The following CNTN5 variants were observed in gnomAD, a reference collection of about 807,000 sequenced individuals.
CNTN5 encodes the protein contactin 5, also known as contactin-5.
CNTN5 carries 77 observed loss-of-function variants against 129.1 expected under a neutral mutation model. That is an observed-to-expected ratio of 0.60 (90% CI 0.50 to 0.72). The LOEUF (loss-of-function observed/expected upper bound fraction) is 0.72. Ranked by LOEUF, CNTN5 falls within the 30% of genes least tolerant of loss-of-function variation. The pLI is 0.00. For missense variants in CNTN5, 1,478 were observed against 1,328.8 expected, an observed-to-expected ratio of 1.11 and a Z score of -1.75; for synonymous variants, 509 against 465.6, an observed-to-expected ratio of 1.09 and a Z score of -1.20.
At chr11:99,626,114 G>A (rs1459321139) in intron 3 of CNTN5, among the ~76,000 whole-genome samples, 2 of 151,922 alleles carry the variant, frequency 1.3e-5, no homozygotes, top group Non-Finnish European at 2.9e-5. Flanking sequence ...AGAATGGAGA[G>A]AAGCGCTGTA....
chr11:99,206,543 T>C (rs2135651402), intron 1 of CNTN5, among the ~76,000 whole-genome samples: 1 of 151,378 alleles, frequency 6.6e-6, no homozygotes, highest in South Asian at 2.1e-4. Context: ...TCCACCATGA[T>C]TTTTCTCCTA....
chr11:99,884,075 G>A (rs530116721), intron 6 of CNTN5, among the ~76,000 whole-genome samples: 1 of 152,248 alleles, frequency 6.6e-6, no homozygotes, highest in African/African-American at 2.4e-5. Context: ...CCAAACAGAA[G>A]CACCCCTGAA....
At position 100,176,268 on chromosome 11, in the gene CNTN5, C is replaced by T. The variant is rs574771608; in HGVS notation, c.1581-14858C>T. Among the ~76,000 whole-genome samples the T allele has an allele frequency of 1.5e-3, 223 of 144,962 alleles. 2 individuals carry two copies. The highest frequency in any genetic ancestry group is 6.2e-3 in the African/African-American group (215 of 34,674). The stretch of plus-strand genomic sequence containing the variant: ...CTCCTGACCTCAAGTGACCCACCCA[C>T]CTCTGCCTCCCAAAGTGCTGGGATT... On this transcript the variant is annotated intron_variant, in intron 13 of 24. Transcript: ENST00000524871.
intron 18 of CNTN5, among the ~76,000 whole-genome samples, chr11:100,289,728 C>A (rs1408994750): frequency 1.3e-5 from 2 of 150,502 alleles, no homozygotes; most frequent in African/African-American, 4.9e-5. Context: ...CTCACCACTC[C>A]TATTCAACAT....
At chr11:99,901,155 T>G (rs547678955) in intron 6 of CNTN5, among the ~76,000 whole-genome samples, 16 of 152,340 alleles carry the variant, frequency 1.1e-4, no homozygotes, top group Non-Finnish European at 2.2e-4. Flanking sequence ...TGGCAGGTAG[T>G]GAGTATTCAG....
At chr11:99,241,908 T>G (rs982975045) in intron 1 of CNTN5, among the ~76,000 whole-genome samples, 1 of 152,096 alleles carries the variant, frequency 6.6e-6, no homozygotes, top group African/African-American at 2.4e-5. Flanking sequence ...TCTTTGATGA[T>G]GGAGGAATAC....
intron 3 of CNTN5, among the ~76,000 whole-genome samples, chr11:99,703,905 G>T (rs1954638869): frequency 6.6e-6 from 1 of 150,984 alleles, no homozygotes; most frequent in Admixed American, 6.6e-5. Context: ...TGATATATAA[G>T]AAATGATTAA....
chr11:99,515,714 A>C (rs1015316219), intron 2 of CNTN5, among the ~76,000 whole-genome samples: 1 of 151,984 alleles, frequency 6.6e-6, no homozygotes, highest in African/African-American at 2.4e-5. Flanking sequence ...ATTAAACCAT[A>C]AATGCATGTG....
chr11:100,035,483 C>G (rs1205722267), intron 9 of CNTN5, among the ~76,000 whole-genome samples: 19 of 146,764 alleles, frequency 1.3e-4, no homozygotes, highest in Non-Finnish European at 2.2e-4. Context: ...TGGGTATATA[C>G]CCAGTAATGG....
intron 15 of CNTN5, among the ~76,000 whole-genome samples, chr11:100,215,410 C>T (rs1006748851): frequency 2.0e-5 from 3 of 152,166 alleles, no homozygotes; most frequent in Non-Finnish European, 4.4e-5. Context: ...CATTCTTAAT[C>T]TACCACAGTG....
chr11:99,844,268 A>C (rs961778256), intron 4 of CNTN5, among the ~76,000 whole-genome samples: 5 of 152,078 alleles, frequency 3.3e-5, no homozygotes, highest in African/African-American at 1.2e-4. Context: ...ATTTTAATTA[A>C]GTTGTCTTTT....
intron 13 of CNTN5, among the ~76,000 whole-genome samples, chr11:100,148,969 G>T (rs1946952646): frequency 6.6e-6 from 1 of 152,062 alleles, no homozygotes; most frequent in South Asian, 2.1e-4. Context: ...GAACATATTA[G>T]TCGAACAAAA....
chr11:99,729,581 T>C (rs1265664889), intron 3 of CNTN5, among the ~76,000 whole-genome samples: 1 of 152,120 alleles, frequency 6.6e-6, no homozygotes, highest in African/African-American at 2.4e-5. Flanking sequence ...TCTAGATCTT[T>C]AAGGAATCAT....
At position 99,556,424 on chromosome 11, in the gene CNTN5, G is replaced by T. The variant is rs186395888; in HGVS notation, c.55+155G>T. ...AGAGAAAGGCAGCAACCCTTAAGCC[G>T]CTGTTAACATTGCAAAATGCCATAT... On this transcript the variant is annotated intron_variant, in intron 3 of 24. Coordinates refer to ENST00000524871, the MANE Select transcript of CNTN5 (RefSeq NM_014361.4). Among the ~76,000 whole-genome samples, 965 of 150,390 alleles carry T rather than the reference G, an allele frequency of 6.4e-3. 3 individuals are homozygous for T. The highest frequency in any genetic ancestry group is 0.011 in the Non-Finnish European group (750 of 67,238).
chr11:99,062,549 G>T (rs1369035970), intron 1 of CNTN5, among the ~76,000 whole-genome samples: 1 of 152,060 alleles, frequency 6.6e-6, no homozygotes, highest in African/African-American at 2.4e-5. Flanking sequence ...AGTATTGTGA[G>T]AAACATTTAT....
intron 2 of CNTN5, among the ~76,000 whole-genome samples, chr11:99,384,474 C>T (rs533206111): frequency 1.2e-4 from 19 of 152,160 alleles, no homozygotes; most frequent in African/African-American, 4.6e-4. Flanking sequence ...TGAATTTCAC[C>T]CCCAACCGAG....
rs1218404265 is a variant in CNTN5, at chr11:100,288,672, G to A, written c.2315-8953G>A. 1.3e-4 allele frequency among the ~76,000 whole-genome samples: 19 copies of A among 151,368 alleles called. No individual in the cohort carries two copies. The East Asian group carries it at 3.7e-3, about 29-fold the overall frequency. On this transcript the variant is annotated intron_variant, in intron 18 of 24. Coordinates refer to ENST00000524871, the MANE Select transcript of CNTN5 (RefSeq NM_014361.4). ...GAGAAAGCAGGAAAGATCCAAAATT[G>A]ACACCCTAACATCACAATTAAAAGA...
At chr11:99,030,923 G>A (rs959138865) in intron 1 of CNTN5, among the ~76,000 whole-genome samples, 2 of 151,864 alleles carry the variant, frequency 1.3e-5, no homozygotes, top group African/African-American at 4.8e-5. Context: ...TGCGACTGGA[G>A]GCGCTCGCCA....
At chr11:99,679,791 A>G (rs1480471771) in intron 3 of CNTN5, among the ~76,000 whole-genome samples, 2 of 152,246 alleles carry the variant, frequency 1.3e-5, no homozygotes, top group East Asian at 1.9e-4. Flanking sequence ...GCGAAAGCCA[A>G]GATAACCTGA....
Sources: allele counts gnomAD v4.1 joint callset (sites outside exome capture counted in the v4.1 genomes callset), GRCh38; gene constraint gnomAD v4.1.1; transcripts MANE v1.5; gene names NCBI Gene and HGNC (gene_info 2026-07-23, HGNC 2026-07-21).